BLTP1: variants seen among roughly 807,000 people sequenced by gnomAD.
BLTP1 encodes the protein fragile site-associated protein.
At chr4:122,282,153 A>G in the BLTP1 span, 13 of 858,906 alleles carry the variant, frequency 1.5e-5, no homozygotes, top group Non-Finnish European at 1.8e-5. Context: ...TCTTCAAAAC[A>G]GCTAATTCTG....
the BLTP1 span, among the ~76,000 whole-genome samples, chr4:122,260,251 A>G: frequency 6.6e-6 from 1 of 152,232 alleles, no homozygotes; most frequent in Non-Finnish European, 1.5e-5. Flanking sequence ...AAAATATGAT[A>G]TTATAATCTT....
At chr4:122,202,580 G>C in the BLTP1 span, 3 of 944,628 alleles carry the variant, frequency 3.2e-6, no homozygotes, top group Admixed American at 1.9e-4. Context: ...TTAAGATTTT[G>C]TATTTTTTAA....
At chr4:122,231,779 C>T in the BLTP1 span, 1 of 971,710 alleles carries the variant, frequency 1.0e-6, no homozygotes, top group South Asian at 4.7e-5. Context: ...ATTCATTTCT[C>T]TGTTTAACAA....
chr4:122,282,470 C>T, the BLTP1 span, among the ~76,000 whole-genome samples: 2 of 152,064 alleles, frequency 1.3e-5, no homozygotes, highest in Admixed American at 1.3e-4. Flanking sequence ...AGCAAAACCC[C>T]ATCTCTGTTA....
the BLTP1 span, chr4:122,185,297 A>C: frequency 1.0e-6 from 1 of 982,038 alleles, no homozygotes; most frequent in Non-Finnish European, 1.2e-6. Flanking sequence ...AATAGAGATA[A>C]AAATGGATAG....
the BLTP1 span, chr4:122,197,332 A>G: frequency 2.5e-6 from 3 of 1,218,090 alleles, no homozygotes; most frequent in African/African-American, 3.2e-5. Context: ...TATAAATAAT[A>G]AAGTTTGTTA....
At chr4:122,203,001 T>C in the BLTP1 span, among the ~76,000 whole-genome samples, 2 of 151,988 alleles carry the variant, frequency 1.3e-5, no homozygotes, top group East Asian at 3.9e-4. Flanking sequence ...TATTCTGTTG[T>C]TTTTAAAAGA....
chr4:122,290,908 TA>T, the BLTP1 span: 20 of 275,834 alleles, frequency 7.3e-5, no homozygotes, highest in Admixed American at 1.4e-3. Flanking sequence ...AATATATAAT[TA>T]AAAAATAAAT....
chr4:122,263,687 A>C, the BLTP1 span: 1 of 785,364 alleles, frequency 1.3e-6, no homozygotes, highest in Non-Finnish European at 2.0e-6. Flanking sequence ...GTTAAAAATC[A>C]AACAAGTACT....
the BLTP1 span, chr4:122,262,007 A>G: frequency 5.1e-6 from 5 of 985,240 alleles, no homozygotes; most frequent in Non-Finnish European, 6.0e-6. Context: ...AAAAGCCTCT[A>G]GTTTCCTTCC....
the BLTP1 span, chr4:122,254,240 A>T: frequency 1.2e-6 from 2 of 1,612,646 alleles, no homozygotes; most frequent in South Asian, 1.1e-5. Context: ...TCTACCTCTG[A>T]TGCCTCCTCC....
At chr4:122,200,927 G>T in the BLTP1 span, 3 of 1,534,588 alleles carry the variant, frequency 2.0e-6, no homozygotes, top group Non-Finnish European at 2.6e-6. Flanking sequence ...ACTCACTAGC[G>T]TGTGTAACTT....
At chr4:122,216,659 A>G in the BLTP1 span, among the ~76,000 whole-genome samples, 2 of 152,198 alleles carry the variant, frequency 1.3e-5, no homozygotes, top group South Asian at 2.1e-4. Flanking sequence ...AATTCTGTAT[A>G]TTAGTCCTTT....
At chr4:122,254,961 T>A in the BLTP1 span, 3 of 1,591,196 alleles carry the variant, frequency 1.9e-6, no homozygotes, top group South Asian at 3.4e-5. Flanking sequence ...TAGAGGTATG[T>A]CTTTAAATAA....
At chr4:122,282,621 G>A in the BLTP1 span, among the ~76,000 whole-genome samples, 6 of 152,004 alleles carry the variant, frequency 3.9e-5, no homozygotes, top group African/African-American at 1.4e-4. Flanking sequence ...CAGCCTTGGC[G>A]ACAGAGTGAG....
chr4:122,362,699 G>A, the BLTP1 span: 58 of 154,756 alleles, frequency 3.7e-4, no homozygotes, highest in Non-Finnish European at 5.2e-4. Context: ...TGATATGATT[G>A]TATACCACTA....
At chr4:122,336,883 G>A in the BLTP1 span, 6 of 1,594,584 alleles carry the variant, frequency 3.8e-6, no homozygotes, top group Non-Finnish European at 5.1e-6. Flanking sequence ...TTAAACAGCT[G>A]TCAGCTCACA....
chr4:122,248,307 A>T, the BLTP1 span, among the ~76,000 whole-genome samples: 5 of 152,206 alleles, frequency 3.3e-5, no homozygotes, highest in Non-Finnish European at 7.4e-5. Flanking sequence ...TATACAGACC[A>T]TAAGCAGAAC....
At chr4:122,195,569 G>A in the BLTP1 span, 5 of 159,634 alleles carry the variant, frequency 3.1e-5, no homozygotes, top group African/African-American at 1.2e-4. Context: ...GAGAGGTTCA[G>A]TGATTTGGGC....
Sources: allele counts gnomAD v4.1 joint callset (sites outside exome capture counted in the v4.1 genomes callset), GRCh38; gene constraint gnomAD v4.1.1; transcripts MANE v1.5; gene names NCBI Gene and HGNC (gene_info 2026-07-23, HGNC 2026-07-21).